Variants in EGFLAM observed in about 807,000 individuals in gnomAD.
EGFLAM encodes the protein EGF like, fibronectin type III and laminin G domains, also known as pikachurin.
EGFLAM carries 79 observed loss-of-function variants against 113.1 expected under a neutral mutation model. That is an observed-to-expected ratio of 0.70 (90% CI 0.58 to 0.84). EGFLAM has a LOEUF of 0.84. Among genes scored for constraint, EGFLAM ranks in the 40% least tolerant of loss-of-function variants. The pLI, the probability that EGFLAM is intolerant of heterozygous loss-of-function variation, is 0.00. For missense variants in EGFLAM, 1,265 were observed against 1,291.6 expected (o/e 0.98, Z 0.32); for synonymous variants, 504 against 487.6 (o/e 1.03, Z -0.44).
intron 1 of EGFLAM, among the ~76,000 whole-genome samples, chr5:38,270,597 T>C (rs1235640494): frequency 6.6e-6 from 1 of 152,210 alleles, no homozygotes; most frequent in Non-Finnish European, 1.5e-5. Flanking sequence ...GAAGGAATTG[T>C]AGTAAGACTC....
intron 6 of EGFLAM, among the ~76,000 whole-genome samples, chr5:38,396,943 G>T (rs747599556): frequency 6.6e-6 from 1 of 152,166 alleles, no homozygotes; most frequent in Admixed American, 6.6e-5. Flanking sequence ...GACTCCGAGA[G>T]AGAAAGACAC....
At chr5:38,267,085 A>G (rs71621861) in intron 1 of EGFLAM, among the ~76,000 whole-genome samples, 12,763 of 152,172 alleles carry the variant, frequency 0.084, 638 homozygotes, top group South Asian at 0.15. Flanking sequence ...ACTTTCACCA[A>G]CCACACCGAG....
At chr5:38,285,009 A>G (rs561590756) in intron 1 of EGFLAM, among the ~76,000 whole-genome samples, 4 of 152,368 alleles carry the variant, frequency 2.6e-5, no homozygotes, top group African/African-American at 9.6e-5. Context: ...TATCAAGAGC[A>G]ACTATTTTCA....
chr5:38,339,974 C>T (rs1382713731), intron 3 of EGFLAM, among the ~76,000 whole-genome samples: 5 of 152,132 alleles, frequency 3.3e-5, no homozygotes, highest in African/African-American at 9.7e-5. Context: ...TTGAACTCAC[C>T]AAGGAGTCTG....
At chr5:38,289,299 C>A (rs1758250240) in intron 1 of EGFLAM, among the ~76,000 whole-genome samples, 1 of 145,780 alleles carries the variant, frequency 6.9e-6, no homozygotes, top group Admixed American at 6.9e-5. Flanking sequence ...GTTTCCAGGT[C>A]TTATTTCAGA....
At chr5:38,418,866 A>G (rs1229082846) in intron 12 of EGFLAM, among the ~76,000 whole-genome samples, 1 of 152,200 alleles carries the variant, frequency 6.6e-6, no homozygotes, top group Admixed American at 6.5e-5. Flanking sequence ...TTATTCTATC[A>G]CTGAAGGCAG....
intron 5 of EGFLAM, among the ~76,000 whole-genome samples, chr5:38,354,700 A>G (rs1739720578): frequency 6.6e-6 from 1 of 152,190 alleles, no homozygotes; most frequent in Non-Finnish European, 1.5e-5. Context: ...ACTGCACTCT[A>G]GCCTGGAGGA....
chr5:38,441,737 C>T (rs1053810886), intron 17 of EGFLAM, among the ~76,000 whole-genome samples: 2 of 152,172 alleles, frequency 1.3e-5, no homozygotes, highest in Non-Finnish European at 2.9e-5. Flanking sequence ...CTTTGCTATG[C>T]TCTGAGCGTC....
At position 38,350,559 on chromosome 5, in the gene EGFLAM, A is replaced by G; in HGVS notation, c.350A>G (p.Tyr117Cys). The part of the protein sequence containing the change: ...GTEYRVSIAA[Y>C]SQAGKGRLSS... ...GAATATCGTGTGAGCATAGCAGCTT[A>G]CAGCCAGGCTGGCAAAGGGCGGCTG... The change falls in exon 4 of 22, where the codon TAC becomes TGC. Residue 117 changes from tyrosine (Y) to cysteine (C), a missense_variant. Tyr to Cys is a radical substitution (Grantham distance 194). Coordinates refer to ENST00000322350, the MANE Select transcript of EGFLAM (RefSeq NM_152403.4). 6.2e-7 allele frequency: 1 copy of G among 1,614,126 alleles called. No individual in the cohort carries two copies.
intron 5 of EGFLAM, among the ~76,000 whole-genome samples, chr5:38,364,669 C>T (rs1182001325): frequency 2.0e-5 from 3 of 152,048 alleles, no homozygotes; most frequent in Admixed American, 6.5e-5. Flanking sequence ...TCAAGGAACA[C>T]GTAGATGAAG....
At chr5:38,445,960 C>A (rs1742696459) in intron 17 of EGFLAM, among the ~76,000 whole-genome samples, 1 of 152,090 alleles carries the variant, frequency 6.6e-6, no homozygotes, top group Admixed American at 6.5e-5. Context: ...CCAACCCTTG[C>A]AAGGAGTTCA....
At chr5:38,311,541 C>T (rs1738445793) in intron 1 of EGFLAM, among the ~76,000 whole-genome samples, 1 of 152,198 alleles carries the variant, frequency 6.6e-6, no homozygotes, top group Admixed American at 6.5e-5. Context: ...TTTTAAAAGG[C>T]TAAATAGTAT....
rs1398036368 is a variant in EGFLAM, at chr5:38,258,658, G to C, written c.-97G>C. 2 of 1,397,712 alleles carry C rather than the reference G, an allele frequency of 1.4e-6. No individual in the cohort carries two copies. Among genetic ancestry groups the C allele is most frequent in the Non-Finnish European group, 2.0e-6 (2 of 1,009,194 alleles). The allele number at this position is 1,397,712 out of a possible 1,614,324, so 86.6% of individuals were successfully genotyped here. ...GCCCCCCACCTCCTCGCCCCGGCCCGGGGATCCGTTGGGGCCGCGTCCCCC... is the reference window on the plus strand; with the variant it reads ...GCCCCCCACCTCCTCGCCCCGGCCCCGGGATCCGTTGGGGCCGCGTCCCCC... On this transcript the variant is annotated 5_prime_UTR_variant, in exon 1 of 22. Coordinates refer to ENST00000322350, the MANE Select transcript of EGFLAM (RefSeq NM_152403.4).
At chr5:38,297,003 C>CA (rs1163463741) in intron 1 of EGFLAM, among the ~76,000 whole-genome samples, 3 of 151,756 alleles carry the variant, frequency 2.0e-5, no homozygotes, top group East Asian at 3.9e-4. Context: ...CTTCAAAAAA[C>CA]AAAAAAATGT....
chr5:38,463,022 G>T lies in EGFLAM; in HGVS notation c.2875+11G>T, dbSNP rs375920608. 2.5e-6 allele frequency: 4 copies of T among 1,607,360 alleles called. No individual in the cohort carries two copies. Among genetic ancestry groups the T allele is most frequent in the South Asian group, 2.2e-5 (2 of 90,198 alleles). ...GAGCTCTGTATGTGGGTAAGTGACC[G>T]ACCCTCGACCAAAGCAAAATTAGGC... On this transcript the variant is annotated intron_variant, in intron 21 of 21. Coordinates refer to ENST00000322350, the MANE Select transcript of EGFLAM (RefSeq NM_152403.4).
At chr5:38,427,410 A>G (rs1561086676) in intron 14 of EGFLAM, 158 bp downstream of exon 14, 2 of 1,260,110 alleles carry the variant, frequency 1.6e-6, no homozygotes, top group Non-Finnish European at 2.2e-6. Flanking sequence ...CTTCAGGCAG[A>G]TGACAGGCTT....
At chr5:38,408,028 A>C (rs1170151264) in intron 9 of EGFLAM, 123 bp downstream of exon 9, 4 of 678,698 alleles carry the variant, frequency 5.9e-6, no homozygotes, top group East Asian at 5.4e-5. Flanking sequence ...TAAATATGAC[A>C]CAGAGCCTGT....
At chr5:38,272,367 C>T (rs986645339) in intron 1 of EGFLAM, among the ~76,000 whole-genome samples, 12 of 152,148 alleles carry the variant, frequency 7.9e-5, no homozygotes, top group African/African-American at 2.9e-4. Flanking sequence ...ATCCTCCTTC[C>T]CCCATTTGTC....
intron 13 of EGFLAM, among the ~76,000 whole-genome samples, chr5:38,425,430 G>A (rs1233881759): frequency 6.6e-6 from 1 of 152,174 alleles, no homozygotes; most frequent in East Asian, 1.9e-4. Context: ...GCCTCCCAAA[G>A]TGCTGGGATT....
Sources: allele counts gnomAD v4.1 joint callset (sites outside exome capture counted in the v4.1 genomes callset), GRCh38; gene constraint gnomAD v4.1.1; transcripts MANE v1.5; gene names NCBI Gene and HGNC (gene_info 2026-07-23, HGNC 2026-07-21).